Variants in TBC1D22A observed in about 807,000 individuals in gnomAD.
TBC1D22A encodes the protein TBC1 domain family member 22A.
TBC1D22A carries 38 observed loss-of-function variants against 60.2 expected under a neutral mutation model. That is an observed-to-expected ratio of 0.63 (90% CI 0.49 to 0.83). The LOEUF (loss-of-function observed/expected upper bound fraction) is 0.83. TBC1D22A is among the 40% of genes least tolerant of loss of function. TBC1D22A has a pLI of 0.00. For missense variants in TBC1D22A, 628 were observed against 701.0 expected (o/e 0.90, Z 1.18); for synonymous variants, 302 against 281.7 (o/e 1.07, Z -0.72).
intron 8 of TBC1D22A, among the ~76,000 whole-genome samples, chr22:46,950,780 T>A (rs1480571581): frequency 2.6e-5 from 4 of 152,098 alleles, no homozygotes; most frequent in Admixed American, 1.3e-4. Context: ...AACCCTTGCG[T>A]CTCCGGGATG....
intron 10 of TBC1D22A, among the ~76,000 whole-genome samples, chr22:47,007,742 C>T (rs758241439): frequency 6.6e-6 from 1 of 152,106 alleles, no homozygotes; most frequent in Admixed American, 6.5e-5. Flanking sequence ...AGCAGGAGCT[C>T]TCTGCCATCT....
chr22:46,773,487 TG>T (rs2083574349), intron 1 of TBC1D22A, among the ~76,000 whole-genome samples: 1 of 152,076 alleles, frequency 6.6e-6, no homozygotes, highest in South Asian at 2.1e-4. Flanking sequence ...TTTTTGGAGA[TG>T]GAGTCTTGCC....
chr22:46,892,006 G>C (rs747430272), intron 6 of TBC1D22A, among the ~76,000 whole-genome samples: 1 of 152,268 alleles, frequency 6.6e-6, no homozygotes, highest in East Asian at 1.9e-4. Flanking sequence ...GTACATAATG[G>C]GAAAATACTT....
At chr22:47,118,924 C>T (rs935652276) in intron 12 of TBC1D22A, among the ~76,000 whole-genome samples, 4 of 152,074 alleles carry the variant, frequency 2.6e-5, no homozygotes, top group East Asian at 1.9e-4. Context: ...GGCCGAGGCG[C>T]GTGATCATGA....
chr22:46,808,156 G>A (rs915321969), intron 4 of TBC1D22A, among the ~76,000 whole-genome samples: 9 of 152,090 alleles, frequency 5.9e-5, no homozygotes, highest in South Asian at 2.1e-4. Flanking sequence ...TCAGGAGTTC[G>A]AGACCAGCCT....
At chr22:46,840,160 C>T (rs2086688744) in intron 4 of TBC1D22A, among the ~76,000 whole-genome samples, 1 of 152,078 alleles carries the variant, frequency 6.6e-6, no homozygotes, top group Non-Finnish European at 1.5e-5. Flanking sequence ...GAAGAGACAA[C>T]CTATGGATTA....
At chr22:47,097,932 A>G (rs2065248301) in intron 11 of TBC1D22A, among the ~76,000 whole-genome samples, 1 of 152,112 alleles carries the variant, frequency 6.6e-6, no homozygotes, top group South Asian at 2.1e-4. Context: ...ACCTGGAAGT[A>G]GGAGGGGCTC....
intron 1 of TBC1D22A, chr22:46,763,126 G>C (rs999170798): frequency 2.3e-6 from 1 of 428,776 alleles, no homozygotes; most frequent in Non-Finnish European, 4.1e-6. Flanking sequence ...AAACTCCTGG[G>C]CTCCTTGGGG....
At chr22:47,056,909 G>A (rs868675035) in intron 11 of TBC1D22A, among the ~76,000 whole-genome samples, 41 of 152,174 alleles carry the variant, frequency 2.7e-4, no homozygotes, top group African/African-American at 9.4e-4. Flanking sequence ...GAGATGCAGG[G>A]GTGTCTGACA....
At chr22:46,901,744 C>G (rs767826956) in intron 7 of TBC1D22A, among the ~76,000 whole-genome samples, 2 of 152,050 alleles carry the variant, frequency 1.3e-5, no homozygotes, top group Non-Finnish European at 2.9e-5. Flanking sequence ...GTTGCAGAAA[C>G]TTGAGTTGTA....
chr22:47,128,073 C>T (rs1351409181), intron 12 of TBC1D22A, among the ~76,000 whole-genome samples: 1 of 41,626 alleles, frequency 2.4e-5, no homozygotes, highest in South Asian at 9.5e-4. Flanking sequence ...CCTCCCCTCA[C>T]CCATCCCTCA....
intron 4 of TBC1D22A, among the ~76,000 whole-genome samples, chr22:46,829,712 G>A (rs531349426): frequency 1.2e-4 from 19 of 152,316 alleles, no homozygotes; most frequent in Middle Eastern, 3.4e-3. Context: ...GGCCAGCGGC[G>A]TTTCTATGCC....
chr22:47,126,908 C>T (rs2066478505), intron 12 of TBC1D22A, among the ~76,000 whole-genome samples: 1 of 152,224 alleles, frequency 6.6e-6, no homozygotes, highest in Admixed American at 6.5e-5. Context: ...GCTCACTGTA[C>T]TTCTAGGGCT....
intron 11 of TBC1D22A, among the ~76,000 whole-genome samples, chr22:47,042,114 A>C (rs1212858722): frequency 6.6e-6 from 1 of 152,266 alleles, no homozygotes; most frequent in Non-Finnish European, 1.5e-5. Flanking sequence ...GTCTAGGAGC[A>C]TAAGCACCTT....
chr22:46,986,616 A>T (rs752758242), intron 9 of TBC1D22A, among the ~76,000 whole-genome samples: 1 of 152,014 alleles, frequency 6.6e-6, no homozygotes, highest in African/African-American at 2.4e-5. Flanking sequence ...GTTTCTGAAT[A>T]TTTTGTTTTT....
At chr22:47,073,601 A>C (rs1267137482) in intron 11 of TBC1D22A, among the ~76,000 whole-genome samples, 4 of 152,224 alleles carry the variant, frequency 2.6e-5, no homozygotes, top group Non-Finnish European at 4.4e-5. Context: ...AAGGGCTCTG[A>C]TTGCTGGGTC....
Position 46,772,092 on chromosome 22 carries a change from T to C in TBC1D22A, c.62+9244T>C, listed in dbSNP as rs888206710. On this transcript the variant is annotated intron_variant, in intron 1 of 12. Transcript: ENST00000337137. ...ATACACACATATACATATATATGTA[T>C]ACACACATATACATATATATGTATA... 1.5e-4 allele frequency among the ~76,000 whole-genome samples: 21 copies of C among 137,314 alleles called. 2 individuals are homozygous for C. The highest frequency in any genetic ancestry group is 5.7e-4 in the African/African-American group (21 of 36,634). The allele number at this position is 137,314 out of a possible 152,430, so 90.1% of individuals were successfully genotyped here. A position where few individuals can be genotyped will look rare whatever the true frequency, so the allele number is the denominator to read the frequency against.
intron 1 of TBC1D22A, among the ~76,000 whole-genome samples, chr22:46,763,531 GGAAT>G (rs1329284404): frequency 6.7e-6 from 1 of 148,748 alleles, no homozygotes; most frequent in Non-Finnish European, 1.5e-5. Flanking sequence ...AGGGCCCTAG[GGAAT>G]GAGACATTAC....
intron 11 of TBC1D22A, among the ~76,000 whole-genome samples, chr22:47,047,195 TG>T (rs1442411700): frequency 3.3e-5 from 5 of 152,210 alleles, no homozygotes. Context: ...GTAGCAATTC[TG>T]TGATATACCA....
Sources: allele counts gnomAD v4.1 joint callset (sites outside exome capture counted in the v4.1 genomes callset), GRCh38; gene constraint gnomAD v4.1.1; transcripts MANE v1.5; gene names NCBI Gene and HGNC (gene_info 2026-07-23, HGNC 2026-07-21).